The following HECW1 variants were observed in gnomAD, a reference collection of about 807,000 sequenced individuals.
HECW1 encodes E3 ubiquitin-protein ligase HECW1.
HECW1 carries 61 observed loss-of-function variants against 182.3 expected under a neutral mutation model. The ratio of observed to expected loss-of-function variants is 0.33; its 90% CI spans 0.27 to 0.41. The LOEUF (loss-of-function observed/expected upper bound fraction) is 0.41, where lower values mean the gene tolerates loss of function less well. Among genes scored for constraint, HECW1 ranks in the 10% least tolerant of loss-of-function variants. The probability of loss-of-function intolerance (pLI) is 1.00; values close to 1 mark genes in which losing one functional copy is unlikely to be tolerated. For synonymous variants in HECW1, 859 were observed against 832.6 expected, an observed-to-expected ratio of 1.03 and a Z score of -0.55; for missense variants, 1,739 against 2,108.9, an observed-to-expected ratio of 0.82 and a Z score of 3.44.
At chr7:43,437,686 T>C (rs1753954178) in intron 8 of HECW1, among the ~76,000 whole-genome samples, 1 of 152,250 alleles carries the variant, frequency 6.6e-6, no homozygotes, top group Non-Finnish European at 1.5e-5. Flanking sequence ...GGTGAGTTTG[T>C]GCTTGTTCTT....
At chr7:43,461,932 A>G (rs907610194) in intron 13 of HECW1, among the ~76,000 whole-genome samples, 1 of 152,252 alleles carries the variant, frequency 6.6e-6, no homozygotes, top group Admixed American at 6.5e-5. Context: ...TACTTCCTAA[A>G]GAACTCGTTA....
intron 29 of HECW1, among the ~76,000 whole-genome samples, chr7:43,558,035 C>T (rs1472751643): frequency 2.0e-5 from 3 of 152,172 alleles, no homozygotes; most frequent in African/African-American, 7.2e-5. Context: ...GAATGTCCAT[C>T]CACGTCACAG....
chr7:43,190,169 A>C (rs928070011), intron 2 of HECW1, among the ~76,000 whole-genome samples: 1 of 152,196 alleles, frequency 6.6e-6, no homozygotes, highest in African/African-American at 2.4e-5. Flanking sequence ...GCTGGAGTGC[A>C]GTGGCATGAT....
At chr7:43,403,658 T>A (rs546948431) in intron 7 of HECW1, among the ~76,000 whole-genome samples, 3 of 152,220 alleles carry the variant, frequency 2.0e-5, no homozygotes, top group Admixed American at 1.3e-4. Flanking sequence ...GGCTCTCACA[T>A]ATAATGGGGT....
chr7:43,372,348 G>A (rs1325426795), intron 6 of HECW1, among the ~76,000 whole-genome samples: 1 of 152,082 alleles, frequency 6.6e-6, no homozygotes, highest in South Asian at 2.1e-4. Flanking sequence ...ACTAACAAAG[G>A]GTTATTTTCC....
At chr7:43,416,894 G>C (rs959929816) in intron 8 of HECW1, among the ~76,000 whole-genome samples, 1 of 151,818 alleles carries the variant, frequency 6.6e-6, no homozygotes, top group Non-Finnish European at 1.5e-5. Flanking sequence ...GCTCGAGCAC[G>C]GTGTGCGCAC....
chr7:43,144,811 G>A (rs1160942671), intron 2 of HECW1, among the ~76,000 whole-genome samples: 1 of 152,024 alleles, frequency 6.6e-6, no homozygotes, highest in Non-Finnish European at 1.5e-5. Context: ...CTTTTATTGT[G>A]GAATAGAATC....
intron 5 of HECW1, among the ~76,000 whole-genome samples, chr7:43,327,973 T>TTAA (rs1336328060): frequency 6.7e-6 from 1 of 148,832 alleles, no homozygotes; most frequent in East Asian, 1.9e-4. Flanking sequence ...ATTATTATTA[T>TTAA]TATTATTATT....
At chr7:43,321,012 C>T (rs1224587219) in intron 5 of HECW1, among the ~76,000 whole-genome samples, 1 of 152,166 alleles carries the variant, frequency 6.6e-6, no homozygotes, top group African/African-American at 2.4e-5. Flanking sequence ...GACTTGGGAC[C>T]CTTTGGCTCA....
chr7:43,522,911 C>A, intron 24 of HECW1: 1 of 315,512 alleles, frequency 3.2e-6, no homozygotes, highest in Admixed American at 3.6e-5. Context: ...ATATTTATTC[C>A]AAAAACAGCT....
chr7:43,503,491 AAG>A (rs1202283258), intron 21 of HECW1, among the ~76,000 whole-genome samples: 1 of 152,218 alleles, frequency 6.6e-6, no homozygotes, highest in African/African-American at 2.4e-5. Flanking sequence ...AGAGTAAATG[AAG>A]AGTTATTTCC....
chr7:43,262,924 G>A (rs1201552139), intron 3 of HECW1, among the ~76,000 whole-genome samples: 5 of 152,054 alleles, frequency 3.3e-5, no homozygotes, highest in African/African-American at 9.7e-5. Flanking sequence ...CAAGGAGGTC[G>A]CTTCCACCCA....
At chr7:43,464,925 C>T (rs2077712870) in intron 14 of HECW1, among the ~76,000 whole-genome samples, 1 of 152,122 alleles carries the variant, frequency 6.6e-6, no homozygotes, top group Non-Finnish European at 1.5e-5. Flanking sequence ...ACACAGCCTC[C>T]TGAGTAGCTG....
intron 11 of HECW1, among the ~76,000 whole-genome samples, chr7:43,446,409 GA>G (rs201732675): frequency 2.0e-5 from 3 of 152,022 alleles, no homozygotes; most frequent in East Asian, 3.9e-4. Flanking sequence ...GTATGACTGG[GA>G]AAAAAAATTG....
At chr7:43,407,429 T>C in intron 7 of HECW1, 133 bp from the exon 8 acceptor site, 1 of 639,680 alleles carries the variant, frequency 1.6e-6, no homozygotes, top group East Asian at 2.8e-5. Context: ...CCCCAGCCTG[T>C]TTACCTGCCT....
chr7:43,340,366 G>A lies in HECW1; in HGVS notation c.460+19624G>A, dbSNP rs1429920978. On this transcript the variant is annotated intron_variant, in intron 5 of 29. Transcript: ENST00000395891. The stretch of plus-strand genomic sequence containing the variant: ...CTCCAGAGTAGCTGGGATTACAGTC[G>A]CCAGCCATCACGCCCAGCTAATTTT... Among the ~76,000 whole-genome samples, 7 of 150,984 alleles carry A rather than the reference G, an allele frequency of 4.6e-5. No individual in the cohort carries two copies. The South Asian group carries it at 6.3e-4, about 14-fold the overall frequency.
chr7:43,241,616 A>ATG (rs57645139), intron 2 of HECW1: 13,945 of 121,902 alleles, frequency 0.11, 726 homozygotes, highest in East Asian at 0.18. Context: ...CTCCTAATGT[A>ATG]TGTGTGTGTG....
At chr7:43,219,328 C>T (rs187351804) in intron 2 of HECW1, among the ~76,000 whole-genome samples, 9 of 152,148 alleles carry the variant, frequency 5.9e-5, no homozygotes, top group South Asian at 2.1e-4. Context: ...TTTCTGGAGC[C>T]GCTTCAAAAA....
At chr7:43,194,328 T>G (rs1211281826) in intron 2 of HECW1, 1 of 152,302 alleles carries the variant, frequency 6.6e-6, no homozygotes, top group South Asian at 2.1e-4. Context: ...TTTAAAATGC[T>G]GAACTAAAGT....
Sources: allele counts gnomAD v4.1 joint callset (sites outside exome capture counted in the v4.1 genomes callset), GRCh38; gene constraint gnomAD v4.1.1; transcripts MANE v1.5; gene names NCBI Gene and HGNC (gene_info 2026-07-23, HGNC 2026-07-21).